Variants in KCNMA1 observed in about 807,000 individuals in gnomAD.
KCNMA1 encodes the protein Calcium-activated potassium channel subunit alpha-1.
Under a neutral mutation model 140.0 loss-of-function variants are expected in KCNMA1, and 29 were observed. That is an observed-to-expected ratio of 0.21 (90% CI 0.15 to 0.28). The LOEUF is 0.28. KCNMA1 is among the 10% of genes least tolerant of loss of function. The pLI is 1.00. For synonymous variants in KCNMA1, 612 were observed against 611.9 expected, an observed-to-expected ratio of 1.00 and a Z score of 0.00; for missense variants, 880 against 1,602.2, an observed-to-expected ratio of 0.55 and a Z score of 7.70.
chr10:77,253,837 C>G (rs1182020755), intron 2 of KCNMA1, among the ~76,000 whole-genome samples: 1 of 152,166 alleles, frequency 6.6e-6, no homozygotes, highest in South Asian at 2.1e-4. Context: ...TAACTGTGCA[C>G]GTAGTCTTGA....
At chr10:77,561,930 G>T (rs1384398896) in intron 1 of KCNMA1, among the ~76,000 whole-genome samples, 2 of 152,188 alleles carry the variant, frequency 1.3e-5, no homozygotes, top group Non-Finnish European at 2.9e-5. Context: ...ATTTTTGCAT[G>T]TTTCGGGGCT....
At chr10:77,606,260 T>C (rs996988069) in intron 1 of KCNMA1, among the ~76,000 whole-genome samples, 13 of 152,150 alleles carry the variant, frequency 8.5e-5, no homozygotes, top group African/African-American at 3.1e-4. Context: ...AAAGGAGGGA[T>C]GGGACAATCA....
chr10:77,503,305 T>TC (rs796443387), intron 1 of KCNMA1, among the ~76,000 whole-genome samples: 6 of 152,278 alleles, frequency 3.9e-5, no homozygotes, highest in African/African-American at 1.4e-4. Flanking sequence ...ATTTTGGATT[T>TC]TTTTTCTTTC....
intron 1 of KCNMA1, among the ~76,000 whole-genome samples, chr10:77,576,722 TC>T (rs778958923): frequency 3.3e-5 from 5 of 152,252 alleles, no homozygotes; most frequent in Non-Finnish European, 7.4e-5. Context: ...AAGATCCAGT[TC>T]CCATCTGCAG....
In KCNMA1 at chr10:77,637,255, C is replaced by A. The variant is rs760841478; in HGVS notation, c.378+10G>T. 6.3e-7 allele frequency: 1 copy of A among 1,596,262 alleles called. No homozygotes were observed. Among genetic ancestry groups the A allele is most frequent in the Non-Finnish European group, 8.6e-7 (1 of 1,169,272 alleles). On this transcript the variant is annotated intron_variant, in intron 1 of 27. Transcript: ENST00000286628. ...TGGCGCAGAGGGCGGGCGCCCGGGGCGCGCGTTACCTTCGTCTTGCCCCCG... is the reference window on the plus strand; with the variant it reads ...TGGCGCAGAGGGCGGGCGCCCGGGGAGCGCGTTACCTTCGTCTTGCCCCCG...
chr10:77,634,430 G>A, intron 1 of KCNMA1: 9 of 985,460 alleles, frequency 9.1e-6, no homozygotes, highest in South Asian at 4.7e-5. Context: ...ATGAAGAGAT[G>A]TCCCACGATG....
In KCNMA1 at chr10:77,172,101, G is replaced by A. The variant is rs182585310; in HGVS notation, c.808+11320C>T. Among the ~76,000 whole-genome samples the A allele has an allele frequency of 2.0e-5, 3 of 152,226 alleles. No homozygotes were observed. The East Asian group carries it at 5.8e-4, about 29-fold the overall frequency. ...TCAGGTGTTCATTTTCTCCCTATCTGATCTGCTAGCCAGGTCAATCCATTA... is the reference window on the plus strand; with the variant it reads ...TCAGGTGTTCATTTTCTCCCTATCTAATCTGCTAGCCAGGTCAATCCATTA... On this transcript the variant is annotated intron_variant, in intron 5 of 27. Coordinates refer to ENST00000286628, the MANE Select transcript of KCNMA1 (RefSeq NM_001161352.2).
chr10:77,553,791 G>A (rs956352843), intron 1 of KCNMA1, among the ~76,000 whole-genome samples: 1 of 152,144 alleles, frequency 6.6e-6, no homozygotes, highest in African/African-American at 2.4e-5. Context: ...AGGACAGAAG[G>A]CCCCACCCAA....
At chr10:77,122,557 A>G (rs577992428) in intron 5 of KCNMA1, among the ~76,000 whole-genome samples, 1 of 149,036 alleles carries the variant, frequency 6.7e-6, no homozygotes, top group African/African-American at 2.5e-5. Context: ...AGAAAGGGAG[A>G]AAAAAAAAAG....
chr10:77,602,775 A>G (rs2083069546), intron 1 of KCNMA1, among the ~76,000 whole-genome samples: 1 of 152,104 alleles, frequency 6.6e-6, no homozygotes, highest in Admixed American at 6.6e-5. Flanking sequence ...CTGCCAGCCA[A>G]CCACCCTCAT....
Position 77,572,603 on chromosome 10 carries a change from T to TATAA in KCNMA1, c.378+64661_378+64662insTTAT, listed in dbSNP as rs1491270036. On this transcript the variant is annotated intron_variant, in intron 1 of 27. Coordinates refer to ENST00000286628, the MANE Select transcript of KCNMA1 (RefSeq NM_001161352.2). ...ATATATATATATATATATATATATA[T>TATAA]AAATTAGCTGGGCATGGTGGCATGT... Among the ~76,000 whole-genome samples, 24 of 98,666 alleles carry TATAA rather than the reference T, an allele frequency of 2.4e-4. 1 individual carries two copies. Among genetic ancestry groups the TATAA allele is most frequent in the African/African-American group, 6.7e-4 (17 of 25,368 alleles). 64.7% of individuals were successfully genotyped at this position (98,666 alleles called of 152,430 possible). A position where few individuals can be genotyped will look rare whatever the true frequency, so the allele number is the denominator to read the frequency against.
intron 19 of KCNMA1, among the ~76,000 whole-genome samples, chr10:76,981,964 G>A (rs780407471): frequency 6.6e-6 from 1 of 152,114 alleles, no homozygotes; most frequent in Non-Finnish European, 1.5e-5. Context: ...TAGTGATCAG[G>A]AGCCCCGGGG....
intron 2 of KCNMA1, among the ~76,000 whole-genome samples, chr10:77,322,559 C>T (rs935457096): frequency 1.1e-4 from 17 of 152,108 alleles, no homozygotes; most frequent in African/African-American, 3.9e-4. Context: ...TTACGCTCTG[C>T]GAAGAAAAGA....
At chr10:77,606,902 AC>A (rs1453091948) in intron 1 of KCNMA1, among the ~76,000 whole-genome samples, 2 of 151,894 alleles carry the variant, frequency 1.3e-5, no homozygotes, top group Non-Finnish European at 2.9e-5. Flanking sequence ...AACCCGTGCA[AC>A]CCTTGCACCC....
intron 5 of KCNMA1, among the ~76,000 whole-genome samples, chr10:77,171,188 C>T (rs988252091): frequency 1.1e-4 from 17 of 152,218 alleles, no homozygotes; most frequent in African/African-American, 3.9e-4. Context: ...CAGGCCCCAT[C>T]CCAGGTGTAC....
At chr10:77,234,258 G>T (rs1444342143) in intron 3 of KCNMA1, among the ~76,000 whole-genome samples, 1 of 151,918 alleles carries the variant, frequency 6.6e-6, no homozygotes, top group Non-Finnish European at 1.5e-5. Flanking sequence ...CTGAGAAAGG[G>T]GTCATAGTCT....
intron 23 of KCNMA1, among the ~76,000 whole-genome samples, chr10:76,941,089 A>AAGAAAGAAAGAAAAAGAAAGAAAGAAAG (rs2062065657): frequency 1.6e-5 from 1 of 63,592 alleles, no homozygotes; most frequent in African/African-American, 4.9e-5. Context: ...AAGAAAGAGA[A>AAGAAAGAAAGAAAAAGAAAGAAAGAAAG]AGAAAGAAAG....
intron 19 of KCNMA1, among the ~76,000 whole-genome samples, chr10:76,982,447 AC>A (rs1438210812): frequency 6.6e-6 from 1 of 152,068 alleles, no homozygotes; most frequent in Non-Finnish European, 1.5e-5. Context: ...GGGGCACTTG[AC>A]CCATGATGCT....
intron 1 of KCNMA1, among the ~76,000 whole-genome samples, chr10:77,522,473 G>T (rs1248997110): frequency 6.6e-6 from 1 of 152,114 alleles, no homozygotes; most frequent in Admixed American, 6.5e-5. Context: ...AATAACTGTC[G>T]GGAACAGCAT....
Sources: gnomAD v4.1 joint callset for allele counts (sites outside exome capture counted in the v4.1 genomes callset) on GRCh38, gnomAD v4.1.1 for gene constraint, MANE v1.5 for transcripts, NCBI Gene and HGNC (gene_info 2026-07-23, HGNC 2026-07-21) for gene names.